Variants in DIAPH3 observed in about 807,000 individuals in gnomAD.
The protein encoded by DIAPH3 is protein diaphanous homolog 3.
DIAPH3 carries 117 observed loss-of-function variants against 144.3 expected under a neutral mutation model. The ratio of observed to expected loss-of-function variants is 0.81; its 90% CI spans 0.70 to 0.95. The LOEUF is 0.95. Among genes scored for constraint, DIAPH3 ranks in the 40% least tolerant of loss-of-function variants. The pLI, the probability that DIAPH3 is intolerant of heterozygous loss-of-function variation, is 0.00. For synonymous variants in DIAPH3, 519 were observed against 488.9 expected (o/e 1.06, Z -0.81); for missense variants, 1,421 against 1,412.7 (o/e 1.01, Z -0.09).
Position 59,958,867 on chromosome 13 carries a change from C to CTTTT in DIAPH3, c.2074+11073_2074+11076dup, listed in dbSNP as rs932649097. Among the ~76,000 whole-genome samples, 224 of 94,332 alleles carry CTTTT rather than the reference C, an allele frequency of 2.4e-3. 6 individuals carry two copies. The highest frequency in any genetic ancestry group is 8.5e-3 in the Middle Eastern group (1 of 118). 61.9% of individuals were successfully genotyped at this position (94,332 alleles called of 152,430 possible). A position where few individuals can be genotyped will look rare whatever the true frequency, so the allele number is the denominator to read the frequency against. On this transcript the variant is annotated intron_variant, in intron 17 of 27. Transcript: ENST00000400324. Reference sequence around the variant, plus strand: ...TGATATAGATCTAAACTTCAATAAACTTTTTTTTTTTTTTTTTTTTTTTTT... The same window carrying CTTTT: ...TGATATAGATCTAAACTTCAATAAACTTTTTTTTTTTTTTTTTTTTTTTTTTTTT...
chr13:59,860,513 C>T (rs755146109), intron 22 of DIAPH3, among the ~76,000 whole-genome samples: 3 of 151,938 alleles, frequency 2.0e-5, no homozygotes, highest in Non-Finnish European at 4.4e-5. Flanking sequence ...CTGAGGCAGG[C>T]GGATCAGGAG....
chr13:59,903,158 G>C (rs2046541605), intron 20 of DIAPH3, among the ~76,000 whole-genome samples: 1 of 152,046 alleles, frequency 6.6e-6, no homozygotes, highest in Admixed American at 6.6e-5. Flanking sequence ...ACCAAAATGG[G>C]TTCTTGAAAA....
At chr13:59,703,884 G>A (rs2034264252) in intron 27 of DIAPH3, among the ~76,000 whole-genome samples, 1 of 152,142 alleles carries the variant, frequency 6.6e-6, no homozygotes, top group South Asian at 2.1e-4. Flanking sequence ...AGATGATGTT[G>A]TCTTCTACCT....
intron 22 of DIAPH3, among the ~76,000 whole-genome samples, chr13:59,841,324 T>C (rs2042328711): frequency 6.6e-6 from 1 of 152,102 alleles, no homozygotes; most frequent in African/African-American, 2.4e-5. Flanking sequence ...GGCATGGTGA[T>C]GCACATCTGT....
At chr13:59,684,104 A>G (rs2033089663) in intron 27 of DIAPH3, among the ~76,000 whole-genome samples, 1 of 151,644 alleles carries the variant, frequency 6.6e-6, no homozygotes, top group South Asian at 2.1e-4. Flanking sequence ...AGACTCTGAC[A>G]ACGTTCTTGG....
rs139022316 is a variant in DIAPH3, at chr13:59,925,202, A to C, written c.2075-332T>G. On this transcript the variant is annotated intron_variant, in intron 17 of 27. Coordinates refer to ENST00000400324, the MANE Select transcript of DIAPH3 (RefSeq NM_001042517.2). ...TTTGAATAGCATACAGGATACAGTT[A>C]TAAAAATTAAAACACCTGCACTCAA... 6.2e-3 allele frequency among the ~76,000 whole-genome samples: 946 copies of C among 152,312 alleles called. 4 individuals carry two copies. The highest frequency in any genetic ancestry group is 9.1e-3 in the Non-Finnish European group (619 of 68,000).
At chr13:59,756,775 T>C (rs1480892698) in intron 27 of DIAPH3, among the ~76,000 whole-genome samples, 1 of 152,198 alleles carries the variant, frequency 6.6e-6, no homozygotes, top group African/African-American at 2.4e-5. Flanking sequence ...GTCTCTGATT[T>C]TCATTCACCT....
chr13:59,707,134 G>C (rs2138797930), intron 27 of DIAPH3, among the ~76,000 whole-genome samples: 1 of 152,264 alleles, frequency 6.6e-6, no homozygotes, highest in African/African-American at 2.4e-5. Flanking sequence ...TTAGAACCTA[G>C]TAGTAAAGCC....
chr13:59,997,397 A>G (rs1417932763), intron 9 of DIAPH3, among the ~76,000 whole-genome samples: 2 of 152,066 alleles, frequency 1.3e-5, no homozygotes, highest in Non-Finnish European at 2.9e-5. Flanking sequence ...TTATGGCTGA[A>G]TAGTATTCCA....
intron 27 of DIAPH3, among the ~76,000 whole-genome samples, chr13:59,699,453 G>A (rs1429565833): frequency 1.3e-5 from 2 of 152,172 alleles, no homozygotes; most frequent in Admixed American, 6.5e-5. Context: ...TTGGCCCTTG[G>A]TCTCTTACTT....
At chr13:60,102,533 G>A (rs923187651) in intron 3 of DIAPH3, among the ~76,000 whole-genome samples, 6 of 152,160 alleles carry the variant, frequency 3.9e-5, no homozygotes, top group Admixed American at 2.0e-4. Flanking sequence ...CTGGGAGATG[G>A]AACTGAAGCT....
chr13:59,910,102 G>C (rs2046916842), intron 20 of DIAPH3, among the ~76,000 whole-genome samples: 1 of 151,676 alleles, frequency 6.6e-6, no homozygotes, highest in Non-Finnish European at 1.5e-5. Flanking sequence ...CATGGTATCA[G>C]ATTTAATGTA....
chr13:59,986,988 T>C (rs1421554322), intron 12 of DIAPH3, among the ~76,000 whole-genome samples: 1 of 151,478 alleles, frequency 6.6e-6, no homozygotes, highest in African/African-American at 2.4e-5. Flanking sequence ...TATACCCAAA[T>C]GACTATAAAT....
intron 21 of DIAPH3, 48 bp from the exon 22 acceptor site, chr13:59,861,584 A>C (rs779420202): frequency 1.7e-5 from 27 of 1,556,036 alleles, no homozygotes; most frequent in African/African-American, 4.1e-5. Context: ...AAGTATGTTG[A>C]TATTCTGTCT....
At chr13:60,016,482 T>TC (rs1302981375) in intron 5 of DIAPH3, among the ~76,000 whole-genome samples, 2 of 151,836 alleles carry the variant, frequency 1.3e-5, no homozygotes, top group Non-Finnish European at 2.9e-5. Flanking sequence ...AATCAGAGCC[T>TC]CCCCCACCCA....
chr13:60,077,095 A>G (rs1379458447), intron 4 of DIAPH3, among the ~76,000 whole-genome samples: 4 of 152,130 alleles, frequency 2.6e-5, no homozygotes. Context: ...AAATTTGAGT[A>G]TATGAATAAA....
At position 60,113,975 on chromosome 13, in the gene DIAPH3, G is replaced by A. The variant is rs575642409; in HGVS notation, c.214-1789C>T. Among the ~76,000 whole-genome samples, 57 of 152,250 alleles carry A rather than the reference G, an allele frequency of 3.7e-4. 2 individuals carry two copies. In the South Asian group the frequency reaches 5.6e-3, roughly 15 times the overall value. On this transcript the variant is annotated intron_variant, in intron 2 of 27. Coordinates refer to ENST00000400324, the MANE Select transcript of DIAPH3 (RefSeq NM_001042517.2). Reference sequence around the variant, plus strand: ...AACAGGAAAGCTGTATGAATACTCCGTGAGGCATATGCAAACAACTGCCCT... The same window carrying A: ...AACAGGAAAGCTGTATGAATACTCCATGAGGCATATGCAAACAACTGCCCT...
intron 4 of DIAPH3, among the ~76,000 whole-genome samples, chr13:60,092,719 A>G (rs1434378177): frequency 1.3e-5 from 2 of 152,230 alleles, no homozygotes; most frequent in Non-Finnish European, 2.9e-5. Flanking sequence ...CTGAAGAGCA[A>G]GCTGCCAAAA....
At chr13:60,129,255 A>G (rs2059074581) in intron 2 of DIAPH3, among the ~76,000 whole-genome samples, 1 of 152,056 alleles carries the variant, frequency 6.6e-6, no homozygotes, top group Non-Finnish European at 1.5e-5. Flanking sequence ...TTTTGCCTCT[A>G]TGAGGAAAAC....
Sources: allele counts gnomAD v4.1 joint callset (sites outside exome capture counted in the v4.1 genomes callset), GRCh38; gene constraint gnomAD v4.1.1; transcripts MANE v1.5; gene names NCBI Gene and HGNC (gene_info 2026-07-23, HGNC 2026-07-21).